BMP6: variants seen among roughly 807,000 people sequenced by gnomAD.
BMP6 encodes bone morphogenetic protein 6, also known as VG-1-R.
A neutral mutation model predicts 54.1 loss-of-function variants in BMP6; 17 were observed. That is an observed-to-expected ratio of 0.31 (90% CI 0.22 to 0.47). BMP6 has a LOEUF of 0.47. Ranked by LOEUF, BMP6 falls within the 20% of genes least tolerant of loss-of-function variation. The pLI, the probability that BMP6 is intolerant of heterozygous loss-of-function variation, is 1.00. For missense variants in BMP6, 720 were observed against 690.4 expected, an observed-to-expected ratio of 1.04 and a Z score of -0.48; for synonymous variants, 328 against 291.2, an observed-to-expected ratio of 1.13 and a Z score of -1.28.
At chr6:7,738,024 AG>A (rs1685091626) in intron 1 of BMP6, among the ~76,000 whole-genome samples, 1 of 151,446 alleles carries the variant, frequency 6.6e-6, no homozygotes, top group Admixed American at 6.6e-5. Context: ...CCAAATTTCT[AG>A]GTCTCCTTCC....
chr6:7,832,260 C>T (rs1758804200), intron 1 of BMP6, among the ~76,000 whole-genome samples: 11 of 152,144 alleles, frequency 7.2e-5, no homozygotes, highest in Admixed American at 7.2e-4. Flanking sequence ...TTTCCACGCC[C>T]CTGCAAATTC....
At chr6:7,779,364 G>A (rs942321151) in intron 1 of BMP6, among the ~76,000 whole-genome samples, 5 of 151,716 alleles carry the variant, frequency 3.3e-5, no homozygotes, top group African/African-American at 7.3e-5. Context: ...ATGGAGTCTC[G>A]CTCTGTTTGC....
At chr6:7,828,408 G>T (rs753578880) in intron 1 of BMP6, among the ~76,000 whole-genome samples, 2 of 152,226 alleles carry the variant, frequency 1.3e-5, no homozygotes, top group Non-Finnish European at 2.9e-5. Context: ...CGTGCACCCT[G>T]CGGTGGTATT....
At chr6:7,801,427 A>C (rs1296592508) in intron 1 of BMP6, among the ~76,000 whole-genome samples, 1 of 152,196 alleles carries the variant, frequency 6.6e-6, no homozygotes, top group African/African-American at 2.4e-5. Flanking sequence ...TAAATCCTTA[A>C]GAGCAAACCC....
intron 1 of BMP6, among the ~76,000 whole-genome samples, chr6:7,819,877 T>C (rs564305318): frequency 1.7e-4 from 26 of 152,374 alleles, no homozygotes; most frequent in Admixed American, 3.3e-4. Flanking sequence ...GAGTAATCTT[T>C]TAATCAGATG....
intron 1 of BMP6, among the ~76,000 whole-genome samples, chr6:7,833,543 G>A (rs1758824283): frequency 6.6e-6 from 1 of 152,186 alleles, no homozygotes; most frequent in Non-Finnish European, 1.5e-5. Context: ...AGCCTCTTTG[G>A]AGAACGCTGG....
At chr6:7,786,091 G>A (rs183089157) in intron 1 of BMP6, among the ~76,000 whole-genome samples, 5 of 152,336 alleles carry the variant, frequency 3.3e-5, no homozygotes, top group African/African-American at 7.2e-5. Flanking sequence ...GGGAAAGCAC[G>A]TACACGCGTC....
chr6:7,830,526 A>G (rs1758777603), intron 1 of BMP6, among the ~76,000 whole-genome samples: 1 of 152,136 alleles, frequency 6.6e-6, no homozygotes, highest in South Asian at 2.1e-4. Flanking sequence ...GCCCCTCCAG[A>G]ATGACCTCTG....
chr6:7,779,612 T>C lies in BMP6; in HGVS notation c.664+51993T>C, dbSNP rs564739671. On this transcript the variant is annotated intron_variant, in intron 1 of 6. Coordinates refer to ENST00000283147, the MANE Select transcript of BMP6 (RefSeq NM_001718.6). ...GCCTCGGCCTCCCAAAGTGCTGGGA[T>C]TACAGGCGTGAGCCACTGAGCCCAG... Among the ~76,000 whole-genome samples, 3 of 152,312 alleles carry C rather than the reference T, an allele frequency of 2.0e-5. No homozygotes were observed. In the South Asian group the frequency reaches 6.2e-4, roughly 32 times the overall value.
intron 1 of BMP6, among the ~76,000 whole-genome samples, chr6:7,751,317 G>A (rs1025928430): frequency 5.3e-5 from 8 of 152,194 alleles, no homozygotes; most frequent in African/African-American, 1.9e-4. Context: ...CTAAAATGTA[G>A]TAGACATGTC....
In BMP6 at chr6:7,828,053, T is replaced by G. The variant is rs193209008; in HGVS notation, c.665-17087T>G. ...TCTTTTTTAAGTTTCTTACAGGTGT[T>G]TTCTGTTTTTGTTTTGTTTTGTTTC... is the stretch of plus-strand genomic sequence containing the variant. On this transcript the variant is annotated intron_variant, in intron 1 of 6. Coordinates refer to ENST00000283147, the MANE Select transcript of BMP6 (RefSeq NM_001718.6). 2.9e-3 allele frequency among the ~76,000 whole-genome samples: 442 copies of G among 152,348 alleles called. 4 individuals carry two copies. The highest frequency in any genetic ancestry group is 0.01 in the African/African-American group (420 of 41,580).
chr6:7,793,808 C>T (rs373026173), intron 1 of BMP6, among the ~76,000 whole-genome samples: 58 of 152,324 alleles, frequency 3.8e-4, no homozygotes, highest in South Asian at 3.1e-3. Context: ...CATCCTCAGT[C>T]GCCATGATTC....
At chr6:7,857,474 C>G (rs79060999) in intron 2 of BMP6, among the ~76,000 whole-genome samples, 2,302 of 152,288 alleles carry the variant, frequency 0.015, 61 homozygotes, top group African/African-American at 0.053. Context: ...TCCCTTGTTT[C>G]AAGATTTTCT....
chr6:7,747,805 ACTAG>A (rs1469483050), intron 1 of BMP6, among the ~76,000 whole-genome samples: 1 of 150,372 alleles, frequency 6.7e-6, no homozygotes, highest in Non-Finnish European at 1.5e-5. Context: ...CACTACCTTG[ACTAG>A]CTAATTTTTT....
intron 1 of BMP6, among the ~76,000 whole-genome samples, chr6:7,756,157 A>T (rs547306241): frequency 1.8e-4 from 28 of 152,178 alleles, no homozygotes; most frequent in African/African-American, 6.3e-4. Context: ...CAAATTACCC[A>T]TAGGCTGGAC....
At chr6:7,782,684 C>T (rs1041933090) in intron 1 of BMP6, among the ~76,000 whole-genome samples, 2 of 151,528 alleles carry the variant, frequency 1.3e-5, no homozygotes, top group African/African-American at 4.9e-5. Flanking sequence ...GCCTGGGTGA[C>T]AGAACAAGAT....
intron 1 of BMP6, among the ~76,000 whole-genome samples, chr6:7,755,556 GCAGT>G (rs1354525623): frequency 5.9e-5 from 9 of 152,096 alleles, no homozygotes; most frequent in Non-Finnish European, 1.0e-4. Flanking sequence ...TTTGCATCAA[GCAGT>G]CAATCACGTT....
intron 1 of BMP6, among the ~76,000 whole-genome samples, chr6:7,747,955 T>C (rs113340113): frequency 1.1e-3 from 162 of 152,344 alleles, no homozygotes; most frequent in Non-Finnish European, 2.1e-3. Flanking sequence ...TATGGACTTC[T>C]AACCTGCAGG....
chr6:7,850,215 T>G (rs1430869219), intron 2 of BMP6, among the ~76,000 whole-genome samples: 1 of 152,156 alleles, frequency 6.6e-6, no homozygotes, highest in Admixed American at 6.5e-5. Context: ...CGATCTCGGC[T>G]CACTGCAAGC....
Sources: allele counts gnomAD v4.1 joint callset (sites outside exome capture counted in the v4.1 genomes callset), GRCh38; gene constraint gnomAD v4.1.1; transcripts MANE v1.5; gene names NCBI Gene and HGNC (gene_info 2026-07-23, HGNC 2026-07-21).